Variants in MDFIC observed in about 807,000 individuals in gnomAD.
MDFIC encodes the protein myoD family inhibitor domain-containing protein.
A neutral mutation model predicts 23.2 loss-of-function variants in MDFIC; 17 were observed. That is an observed-to-expected ratio of 0.73 (90% CI 0.50 to 1.10). MDFIC has a LOEUF of 1.10. Among genes scored for constraint, MDFIC ranks in the 50% least tolerant of loss-of-function variants. MDFIC has a pLI of 0.00. For missense variants in MDFIC, 356 were observed against 316.6 expected (o/e 1.12, Z -0.95); for synonymous variants, 120 against 115.2 (o/e 1.04, Z -0.27).
chr7:114,984,388 G>A (rs927752442), intron 4 of MDFIC, among the ~76,000 whole-genome samples: 7 of 151,774 alleles, frequency 4.6e-5, no homozygotes, highest in Non-Finnish European at 1.0e-4. Context: ...GTTAACACGT[G>A]ATACAATGCT....
At chr7:114,997,003 G>T (rs1364192951) in intron 4 of MDFIC, among the ~76,000 whole-genome samples, 1 of 152,146 alleles carries the variant, frequency 6.6e-6, no homozygotes, top group African/African-American at 2.4e-5. Flanking sequence ...AAAACAGAGG[G>T]AGTGATCATG....
intron 4 of MDFIC, among the ~76,000 whole-genome samples, chr7:114,985,480 C>A (rs751073865): frequency 7.2e-5 from 11 of 151,830 alleles, no homozygotes; most frequent in African/African-American, 2.7e-4. Context: ...CTCTCTCTCT[C>A]TCTGTGTGTG....
intron 3 of MDFIC, among the ~76,000 whole-genome samples, chr7:114,975,406 T>C (rs1793291070): frequency 6.6e-6 from 1 of 152,082 alleles, no homozygotes; most frequent in South Asian, 2.1e-4. Context: ...AAATGCCAGA[T>C]GGTCTATGGT....
In MDFIC at chr7:115,018,704, C is replaced by A. The variant is rs984571386; in HGVS notation, c.*2769C>A. On this transcript the variant is annotated 3_prime_UTR_variant, in exon 5 of 5. Coordinates refer to ENST00000393486, the MANE Select transcript of MDFIC (RefSeq NM_001166345.3). ...CTTTTAAAATATTTTAAAACTGGAC[C>A]TGTATTATCCTGAATACACTATTTT... 5 of 152,310 alleles carry A rather than the reference C, an allele frequency of 3.3e-5. No individual in the cohort carries two copies. The highest frequency in any genetic ancestry group is 1.2e-4 in the African/African-American group (5 of 41,398). The allele number at this position is 152,310 out of a possible 1,614,324, so 9.4% of individuals were successfully genotyped here. A position where few individuals can be genotyped will look rare whatever the true frequency, so the allele number is the denominator to read the frequency against.
intron 4 of MDFIC, among the ~76,000 whole-genome samples, chr7:114,983,631 G>A (rs888793961): frequency 6.9e-6 from 1 of 144,600 alleles, no homozygotes; most frequent in African/African-American, 2.6e-5. Flanking sequence ...GCGATGGTGC[G>A]ATCTCGGCTC....
At chr7:114,961,990 A>T (rs911538003) in intron 3 of MDFIC, among the ~76,000 whole-genome samples, 1 of 152,146 alleles carries the variant, frequency 6.6e-6, no homozygotes, top group Non-Finnish European at 1.5e-5. Context: ...AAAGAAGAAA[A>T]TTTTAATAAT....
chr7:114,977,031 C>A (rs953081831), intron 3 of MDFIC, among the ~76,000 whole-genome samples: 1 of 151,720 alleles, frequency 6.6e-6, no homozygotes, highest in African/African-American at 2.4e-5. Flanking sequence ...TGCTTATAAT[C>A]GCGAACAGAA....
chr7:115,013,882 C>G (rs908245239), intron 4 of MDFIC: 2 of 591,044 alleles, frequency 3.4e-6, no homozygotes, highest in Non-Finnish European at 4.3e-6. Flanking sequence ...TTTTAGAGAT[C>G]CCCTGAAATG....
At chr7:115,001,915 T>A (rs1005594223) in intron 4 of MDFIC, among the ~76,000 whole-genome samples, 5 of 152,170 alleles carry the variant, frequency 3.3e-5, no homozygotes, top group Non-Finnish European at 5.9e-5. Context: ...TGGGGACAGA[T>A]CACCTGAGGT....
intron 4 of MDFIC, 118 bp from the exon 5 acceptor site, chr7:115,015,570 C>G: frequency 7.3e-7 from 1 of 1,365,242 alleles, no homozygotes; most frequent in South Asian, 1.4e-5. Context: ...AAGCAAACTT[C>G]ATTTGGGTTG....
intron 3 of MDFIC, among the ~76,000 whole-genome samples, chr7:114,962,319 G>A (rs1394799367): frequency 5.9e-5 from 9 of 152,198 alleles, no homozygotes; most frequent in Non-Finnish European, 2.9e-5. Context: ...GATAATCAAT[G>A]AGAATATGTA....
At chr7:115,003,236 A>C (rs372269758) in intron 4 of MDFIC, among the ~76,000 whole-genome samples, 1 of 152,118 alleles carries the variant, frequency 6.6e-6, no homozygotes, top group East Asian at 1.9e-4. Context: ...CACTGAGTAC[A>C]TTCTTCCTGG....
intron 2 of MDFIC, among the ~76,000 whole-genome samples, chr7:114,936,256 G>A (rs565152168): frequency 5.3e-5 from 8 of 152,174 alleles, no homozygotes; most frequent in South Asian, 2.1e-4. Flanking sequence ...CATTTTATTC[G>A]TCAGGAAGGC....
In MDFIC at chr7:114,979,584, GC is replaced by G. The variant is rs1378137602; in HGVS notation, c.298del (p.His100ThrfsTer4). 1 of 1,613,956 alleles carries G rather than the reference GC, an allele frequency of 6.2e-7. No individual in the cohort carries two copies. Among genetic ancestry groups the G allele is most frequent in the South Asian group, 1.1e-5 (1 of 91,084 alleles). ...GAGGAAATAGGCAAGATAAAGAACGGCCACACAGGTCTGAGCAATGGAAATG... is the reference window on the plus strand; with the variant it reads ...GAGGAAATAGGCAAGATAAAGAACGGCACACAGGTCTGAGCAATGGAAATG... ...SGEEIGKIKNGHTGLSNGNGI... is the reference protein window; with the variant it reads ...SGEEIGKIKNXHTGLSNGNGI... On this transcript the variant is annotated frameshift_variant, in exon 4 of 5. Transcript: ENST00000393486. LOFTEE classifies it high-confidence loss of function.
intron 4 of MDFIC, among the ~76,000 whole-genome samples, chr7:114,988,966 G>A (rs1447950238): frequency 6.6e-6 from 1 of 152,120 alleles, no homozygotes; most frequent in African/African-American, 2.4e-5. Flanking sequence ...TGGTGGGATG[G>A]GAGTGTGGGT....
intron 2 of MDFIC, among the ~76,000 whole-genome samples, chr7:114,924,040 T>G (rs1241534185): frequency 6.6e-6 from 1 of 152,084 alleles, no homozygotes. Flanking sequence ...GGAGAAGGAG[T>G]TAACTTTCAA....
At chr7:114,989,923 C>T (rs942914852) in intron 4 of MDFIC, among the ~76,000 whole-genome samples, 5 of 152,080 alleles carry the variant, frequency 3.3e-5, no homozygotes, top group Admixed American at 2.0e-4. Flanking sequence ...TGATTAAAAT[C>T]GATAGCATCT....
At chr7:115,008,862 A>G (rs538827708) in intron 4 of MDFIC, among the ~76,000 whole-genome samples, 1 of 152,332 alleles carries the variant, frequency 6.6e-6, no homozygotes, top group African/African-American at 2.4e-5. Flanking sequence ...GTAAAGCAGT[A>G]TCTAGGAAGA....
chr7:114,950,928 C>T (rs1282729116), intron 3 of MDFIC, among the ~76,000 whole-genome samples: 1 of 152,122 alleles, frequency 6.6e-6, no homozygotes, highest in African/African-American at 2.4e-5. Flanking sequence ...AATCCCAGCA[C>T]TTCAGGAAGC....
Sources: allele counts gnomAD v4.1 joint callset (sites outside exome capture counted in the v4.1 genomes callset), GRCh38; gene constraint gnomAD v4.1.1; transcripts MANE v1.5; gene names NCBI Gene and HGNC (gene_info 2026-07-23, HGNC 2026-07-21).